TFCP2L1: variants seen among roughly 807,000 people sequenced by gnomAD.
TFCP2L1 encodes the protein transcription factor CP2-like protein 1.
Under a neutral mutation model 72.2 loss-of-function variants are expected in TFCP2L1, and 12 were observed. The observed-to-expected ratio is 0.17, with a 90% confidence interval of 0.11 to 0.27. The LOEUF (loss-of-function observed/expected upper bound fraction) is 0.27. TFCP2L1 is among the 10% of genes least tolerant of loss of function. TFCP2L1 has a pLI of 1.00. For missense variants in TFCP2L1, 488 were observed against 624.6 expected (o/e 0.78, Z 2.33); for synonymous variants, 260 against 251.0 (o/e 1.04, Z -0.34).
At chr2:121,248,368 A>G (rs372471474) in intron 4 of TFCP2L1, 98 bp from the exon 5 acceptor site, 21 of 937,752 alleles carry the variant, frequency 2.2e-5, no homozygotes, top group South Asian at 9.0e-5. Context: ...CTTCGCCCCA[A>G]TTTGCAATGC....
intron 12 of TFCP2L1, among the ~76,000 whole-genome samples, chr2:121,233,737 T>C (rs1686190097): frequency 6.6e-6 from 1 of 152,112 alleles, no homozygotes; most frequent in Non-Finnish European, 1.5e-5. Flanking sequence ...GAGAGTCTCC[T>C]CTCATCAGGA....
At chr2:121,229,688 G>A (rs773154692) in intron 13 of TFCP2L1, among the ~76,000 whole-genome samples, 1 of 152,186 alleles carries the variant, frequency 6.6e-6, no homozygotes, top group African/African-American at 2.4e-5. Flanking sequence ...AGTGTCTCCT[G>A]GCACCTGCCA....
At chr2:121,245,345 T>C (rs1686459658) in intron 6 of TFCP2L1, among the ~76,000 whole-genome samples, 2 of 152,166 alleles carry the variant, frequency 1.3e-5, no homozygotes, top group Admixed American at 6.5e-5. Context: ...GTGAGGACCA[T>C]TTCAGACTTC....
At chr2:121,245,496 C>T (rs549956016) in intron 6 of TFCP2L1, among the ~76,000 whole-genome samples, 24 of 152,326 alleles carry the variant, frequency 1.6e-4, no homozygotes, top group African/African-American at 5.8e-4. Context: ...CCAGGAAAGA[C>T]AAACACACAT....
At chr2:121,250,454 T>G (rs1168986887) in intron 2 of TFCP2L1, among the ~76,000 whole-genome samples, 1 of 150,278 alleles carries the variant, frequency 6.7e-6, no homozygotes, top group Non-Finnish European at 1.5e-5. Flanking sequence ...AAAATGTATC[T>G]CAAAAAATAT....
At chr2:121,268,378 C>T (rs1198165925) in intron 2 of TFCP2L1, among the ~76,000 whole-genome samples, 1 of 151,696 alleles carries the variant, frequency 6.6e-6, no homozygotes, top group African/African-American at 2.4e-5. Context: ...TATTTAGTAA[C>T]AGGGTCTCAC....
At chr2:121,256,751 G>A (rs997346355) in intron 2 of TFCP2L1, among the ~76,000 whole-genome samples, 2 of 151,656 alleles carry the variant, frequency 1.3e-5, no homozygotes, top group African/African-American at 2.4e-5. Context: ...ACTCCAGCTG[G>A]GGCGACAAGA....
intron 10 of TFCP2L1, 34 bp from the exon 11 acceptor site, chr2:121,235,345 T>C (rs2250092): frequency 0.06 from 95,614 of 1,605,970 alleles, 8,352 homozygotes; most frequent in East Asian, 0.41. Context: ...GCCTGTTACA[T>C]GGAACCCAGA....
chr2:121,251,637 A>G (rs1030922672), intron 2 of TFCP2L1, among the ~76,000 whole-genome samples: 1 of 152,226 alleles, frequency 6.6e-6, no homozygotes, highest in Non-Finnish European at 1.5e-5. Flanking sequence ...TGTTAGTAAC[A>G]ATTCATTGTA....
chr2:121,239,532 C>T, intron 8 of TFCP2L1, 26 bp downstream of exon 8: 9 of 1,612,854 alleles, frequency 5.6e-6, no homozygotes, highest in Non-Finnish European at 7.6e-6. Context: ...TTTCAGGGAA[C>T]CCGAAGAAAG....
chr2:121,249,991 C>T lies in TFCP2L1; in HGVS notation c.215-344G>A, dbSNP rs972536213. Reference sequence around the variant, plus strand: ...CATCTTTACAAACCCCCCAATACAACGGGATGGAGAACACAGCTACTTAAG... The same window carrying T: ...CATCTTTACAAACCCCCCAATACAATGGGATGGAGAACACAGCTACTTAAG... On this transcript the variant is annotated intron_variant, in intron 2 of 14. Coordinates refer to ENST00000263707, the MANE Select transcript of TFCP2L1 (RefSeq NM_014553.3). Among the ~76,000 whole-genome samples the T allele has an allele frequency of 1.3e-5, 2 of 152,298 alleles. 1 individual carries two copies. The highest frequency in any genetic ancestry group is 6.8e-3 in the Middle Eastern group (2 of 294).
chr2:121,271,695 G>A (rs936045116), intron 2 of TFCP2L1, among the ~76,000 whole-genome samples: 3 of 152,196 alleles, frequency 2.0e-5, no homozygotes, highest in African/African-American at 4.8e-5. Flanking sequence ...TGTTGTTCAC[G>A]TAACCCACAA....
intron 13 of TFCP2L1, among the ~76,000 whole-genome samples, 165 bp from the exon 14 acceptor site, chr2:121,225,778 C>T (rs1334371199): frequency 8.4e-5 from 12 of 142,908 alleles, no homozygotes; most frequent in South Asian, 7.0e-4. Flanking sequence ...CCACGGTGCC[C>T]ACACACACGG....
At chr2:121,242,523 C>T in intron 6 of TFCP2L1, 54 bp from the exon 7 acceptor site, 5 of 1,557,460 alleles carry the variant, frequency 3.2e-6, no homozygotes, top group Non-Finnish European at 4.4e-6. Context: ...GGCAGCAGCC[C>T]CCAAGCCCTC....
chr2:121,233,546 C>T (rs1686186110), intron 12 of TFCP2L1, among the ~76,000 whole-genome samples: 1 of 152,206 alleles, frequency 6.6e-6, no homozygotes, highest in Non-Finnish European at 1.5e-5. Flanking sequence ...AATCCTCCCA[C>T]CTCCCCAGGT....
At position 121,281,944 on chromosome 2, in the gene TFCP2L1, C is replaced by T. The variant is rs1036991613; in HGVS notation, c.63-673G>A. Reference sequence around the variant, plus strand: ...TGTGGTTGTTTTTTTTGGGCGGGGGCGGGGGGGACGGAGTTTCACTCTTGT... The same window carrying T: ...TGTGGTTGTTTTTTTTGGGCGGGGGTGGGGGGGACGGAGTTTCACTCTTGT... On this transcript the variant is annotated intron_variant, in intron 1 of 14. Transcript: ENST00000263707. Among the ~76,000 whole-genome samples, 4 of 82,312 alleles carry T rather than the reference C, an allele frequency of 4.9e-5. No individual in the cohort carries two copies. The East Asian group carries it at 1.4e-3, about 28-fold the overall frequency. 54.0% of individuals were successfully genotyped at this position (82,312 alleles called of 152,430 possible).
chr2:121,224,180 A>G lies in TFCP2L1; in HGVS notation c.*161T>C. On this transcript the variant is annotated 3_prime_UTR_variant, in exon 15 of 15. Coordinates refer to ENST00000263707, the MANE Select transcript of TFCP2L1 (RefSeq NM_014553.3). ...TCTGTACACCGTACTTGGTGTCCAC[A>G]GGCTTCTGCTGGTTGGTGCTCTGTA... 1.4e-6 allele frequency: 1 copy of G among 712,186 alleles called. No homozygotes were observed. Among genetic ancestry groups the G allele is most frequent in the Non-Finnish European group, 2.4e-6 (1 of 424,186 alleles). The allele number at this position is 712,186 out of a possible 1,614,324, so 44.1% of individuals were successfully genotyped here.
chr2:121,282,859 A>G (rs879441294), intron 1 of TFCP2L1, among the ~76,000 whole-genome samples: 8 of 152,166 alleles, frequency 5.3e-5, no homozygotes, highest in Non-Finnish European at 1.0e-4. Context: ...CATCTCATCA[A>G]TTTTGAGAAG....
At chr2:121,260,736 C>G (rs919500940) in intron 2 of TFCP2L1, among the ~76,000 whole-genome samples, 1 of 152,204 alleles carries the variant, frequency 6.6e-6, no homozygotes, top group Non-Finnish European at 1.5e-5. Context: ...CAGTGGGCCT[C>G]CCCTGGGTCG....
Sources: gnomAD v4.1 joint callset for allele counts (sites outside exome capture counted in the v4.1 genomes callset) on GRCh38, gnomAD v4.1.1 for gene constraint, MANE v1.5 for transcripts, NCBI Gene and HGNC (gene_info 2026-07-23, HGNC 2026-07-21) for gene names.